The following GSTT4 variants were observed in gnomAD, a reference collection of about 807,000 sequenced individuals.
GSTT4 encodes the protein glutathione S-transferase theta 4, also known as glutathione S-transferase theta-4.
rs886801027 is a variant in GSTT4 at position 24,005,234 on chromosome 22, T to G, written c.112+11A>C. 2 of 153,138 alleles carry G rather than the reference T, an allele frequency of 1.3e-5. No individual in the cohort carries two copies. Among genetic ancestry groups the G allele is most frequent in the African/African-American group, 4.8e-5 (2 of 41,466 alleles). The allele number at this position is 153,138 out of a possible 1,614,324, so 9.5% of individuals were successfully genotyped here. On this transcript the variant is annotated intron_variant, in intron 1 of 4. Coordinates refer to ENST00000621179, the MANE Select transcript of GSTT4 (RefSeq NM_001358664.2). ...CAGGACCAGGCCTGCCAGGCAGCAG[T>G]GGGAGTTGACCTTTCAGCAGATCCA...
chr22:24,005,295 G>A lies in GSTT4; in HGVS notation c.62C>T (p.Ser21Leu), dbSNP rs958615893. The change falls in exon 1 of 5, where the codon TCG becomes TTG. Residue 21 changes from serine to leucine, a missense_variant. Coordinates refer to ENST00000621179, the MANE Select transcript of GSTT4 (RefSeq NM_001358664.2). ...GTTGAACTGGATGTCATGCTTCTTC[G>A]AGAAGATGTAGACGGCACGGCAGGG... ...SAPCRAVYIF[S>L]KKHDIQFNFQ... The A allele has an allele frequency of 1.3e-5, 2 of 153,320 alleles. No individual in the cohort carries two copies. The highest frequency in any genetic ancestry group is 2.9e-5 in the Non-Finnish European group (2 of 68,470). 9.5% of individuals were successfully genotyped at this position (153,320 alleles called of 1,614,324 possible). A position where few individuals can be genotyped will look rare whatever the true frequency, so the allele number is the denominator to read the frequency against.
the GSTT4 span, among the ~76,000 whole-genome samples, chr22:23,990,621 G>GTAAT: frequency 1.3e-3 from 75 of 59,112 alleles, 3 homozygotes; most frequent in East Asian, 0.012. Context: ...TTGAGACACT[G>GTAAT]TAATAAATAA....
At chr22:24,001,013 G>A (rs1459680272) in intron 3 of GSTT4, among the ~76,000 whole-genome samples, 162 bp downstream of exon 3, 2 of 106,052 alleles carry the variant, frequency 1.9e-5, no homozygotes, top group African/African-American at 3.9e-5. Context: ...CACTCCTGAC[G>A]GCTCTGTAAG....
At chr22:23,994,472 G>A (rs1237493816), downstream of GSTT4, among the ~76,000 whole-genome samples, 1 of 139,136 alleles carries the variant, frequency 7.2e-6, no homozygotes, top group Non-Finnish European at 1.6e-5. Flanking sequence ...CTGTGGATAG[G>A]AAGTAGCTGC....
At chr22:23,992,792 T>TG in the GSTT4 span, among the ~76,000 whole-genome samples, 3 of 126,556 alleles carry the variant, frequency 2.4e-5, no homozygotes, top group Admixed American at 7.5e-5. Context: ...CTTTTTTTTT[T>TG]CGAGACAGGG....
chr22:23,993,721 CCTCTAGACACCAAT>C (rs1277163006), downstream of GSTT4, among the ~76,000 whole-genome samples: 5 of 151,812 alleles, frequency 3.3e-5, no homozygotes, highest in Non-Finnish European at 5.9e-5. Context: ...CTGATGGGCT[CCTCTAGACACCAAT>C]CTCTACCTGG....
downstream of GSTT4, among the ~76,000 whole-genome samples, chr22:23,997,162 C>T (rs1253118011): frequency 2.0e-5 from 3 of 151,916 alleles, no homozygotes; most frequent in Non-Finnish European, 4.4e-5. Context: ...TTCTCTATGA[C>T]CAATGTGATG....
the GSTT4 span, among the ~76,000 whole-genome samples, chr22:23,990,200 C>T: frequency 1.3e-5 from 2 of 150,066 alleles, no homozygotes; most frequent in Middle Eastern, 6.9e-3. Context: ...CAGGGCCCTC[C>T]AGCCTCTAGC....
chr22:23,998,118 G>T (rs867316198), downstream of GSTT4, among the ~76,000 whole-genome samples: 73 of 152,256 alleles, frequency 4.8e-4, no homozygotes, highest in African/African-American at 1.7e-3. Flanking sequence ...CTCTTTAGAA[G>T]AATGCTTATT....
chr22:23,997,659 TATTTC>T (rs1449183253), downstream of GSTT4, among the ~76,000 whole-genome samples: 1 of 56,668 alleles, frequency 1.8e-5, no homozygotes, highest in Non-Finnish European at 4.3e-5. Context: ...TTCTATTTTC[TATTTC>T]ATTTATCTCC....
downstream of GSTT4, among the ~76,000 whole-genome samples, chr22:23,995,137 G>C (rs916426236): frequency 7.8e-6 from 1 of 127,504 alleles, no homozygotes; most frequent in African/African-American, 3.3e-5. Context: ...TTTTTTGTTT[G>C]TTTGTTTTTT....
chr22:24,002,118 C>A (rs1229182670), intron 2 of GSTT4, among the ~76,000 whole-genome samples: 1 of 152,264 alleles, frequency 6.6e-6, no homozygotes, highest in Non-Finnish European at 1.5e-5. Context: ...GATGAGGCAG[C>A]CAGAGACACT....
At chr22:23,993,536 G>A (rs986364184), downstream of GSTT4, among the ~76,000 whole-genome samples, 2 of 152,228 alleles carry the variant, frequency 1.3e-5, no homozygotes, top group African/African-American at 4.8e-5. Flanking sequence ...CTTTGATTCA[G>A]AACCTGGGCT....
chr22:23,998,149 G>A (rs1271519333), downstream of GSTT4, among the ~76,000 whole-genome samples: 3 of 152,190 alleles, frequency 2.0e-5, no homozygotes, highest in Admixed American at 6.5e-5. Flanking sequence ...CGGGTGGAAC[G>A]TTCTGTTCAT....
downstream of GSTT4, among the ~76,000 whole-genome samples, chr22:23,993,976 G>C (rs72495501): frequency 6.6e-5 from 10 of 151,892 alleles, no homozygotes; most frequent in Admixed American, 6.5e-4. Context: ...AGTCAAACAG[G>C]GGTGGAAGCT....
chr22:24,002,447 A>G (rs2034252668), intron 2 of GSTT4, among the ~76,000 whole-genome samples: 1 of 152,288 alleles, frequency 6.6e-6, no homozygotes. Context: ...TATCATCACC[A>G]GCAGCAACCA....
rs1255779230 is a variant in GSTT4 at position 23,998,471 on chromosome 22, A to C, written c.*71T>G. On this transcript the variant is annotated 3_prime_UTR_variant, in exon 5 of 5. Transcript: ENST00000621179. ...TTGTTTTTTTGTTTTTTTTTTTTTAACATTTCCTTTAAGGAAGGTGGCTCA... is the reference window on the plus strand; with the variant it reads ...TTGTTTTTTTGTTTTTTTTTTTTTACCATTTCCTTTAAGGAAGGTGGCTCA... The C allele has an allele frequency of 6.8e-6, 1 of 146,174 alleles. No homozygotes were observed. The highest frequency in any genetic ancestry group is 1.5e-5 in the Non-Finnish European group (1 of 66,054). 9.1% of individuals were successfully genotyped at this position (146,174 alleles called of 1,614,324 possible).
At chr22:23,994,811 G>A (rs939222787), downstream of GSTT4, among the ~76,000 whole-genome samples, 8 of 152,092 alleles carry the variant, frequency 5.3e-5, no homozygotes, top group African/African-American at 1.9e-4. Flanking sequence ...TTAGGAAGGA[G>A]AAGACAAGAT....
chr22:23,993,879 C>T (rs928936926), downstream of GSTT4, among the ~76,000 whole-genome samples: 5 of 152,108 alleles, frequency 3.3e-5, no homozygotes, highest in Admixed American at 1.3e-4. Flanking sequence ...CCTGGGCCAT[C>T]GTCTCTCCTC....
Sources: gnomAD v4.1 joint callset for allele counts (sites outside exome capture counted in the v4.1 genomes callset) on GRCh38, gnomAD v4.1.1 for gene constraint, MANE v1.5 for transcripts, NCBI Gene and HGNC (gene_info 2026-07-23, HGNC 2026-07-21) for gene names.